ESR1: variants seen among roughly 807,000 people sequenced by gnomAD.
The protein encoded by ESR1 is estrogen receptor.
A neutral mutation model predicts 52.7 loss-of-function variants in ESR1; 12 were observed. That is an observed-to-expected ratio of 0.23 (90% CI 0.15 to 0.37). ESR1 has a LOEUF of 0.37. ESR1 is among the 10% of genes least tolerant of loss of function. The pLI is 1.00. For synonymous variants in ESR1, 305 were observed against 316.8 expected (o/e 0.96, Z 0.39); for missense variants, 584 against 779.7 (o/e 0.75, Z 2.99).
intron 2 of ESR1, among the ~76,000 whole-genome samples, chr6:151,865,074 A>C (rs1411843760): frequency 1.3e-5 from 2 of 152,152 alleles, no homozygotes; most frequent in Non-Finnish European, 2.9e-5. Context: ...GTACCCTAGA[A>C]CTTAAAGTAT....
rs1204105920 is a variant in ESR1 at position 151,944,402 on chromosome 6, G to A, written c.990G>A (p.Glu330=). 6.2e-7 allele frequency: 1 copy of A among 1,613,934 alleles called. No homozygotes were observed. The highest frequency in any genetic ancestry group is 1.3e-5 in the African/African-American group (1 of 74,916). The stretch of plus-strand genomic sequence containing the variant: ...CTGAGCCCCCGATACTCTATTCCGA[G>A]TATGATCCTACCAGACCCTTCAGTG... ...LDAEPPILYS[E]YDPTRPFSEA... Residue 330 remains glutamate (E), a synonymous_variant, in exon 4 of 8, where the codon GAG becomes GAA. Coordinates refer to ENST00000206249, the MANE Select transcript of ESR1 (RefSeq NM_000125.4).
At chr6:152,009,660 C>T (rs1273772544) in intron 4 of ESR1, among the ~76,000 whole-genome samples, 1 of 152,094 alleles carries the variant, frequency 6.6e-6, no homozygotes, top group Non-Finnish European at 1.5e-5. Context: ...ACTTTGAAAA[C>T]AGTTTGACAG....
chr6:151,808,418 G>T, intron 1 of ESR1, 54 bp downstream of exon 1: 1 of 1,166,738 alleles, frequency 8.6e-7, no homozygotes, highest in South Asian at 1.6e-5. Context: ...GCAGGAGGGA[G>T]GGAGGGAGGG....
At chr6:151,685,064 G>C (rs536071294) in intron 1 of ESR1, among the ~76,000 whole-genome samples, 1 of 145,348 alleles carries the variant, frequency 6.9e-6, no homozygotes, top group East Asian at 2.3e-4. Context: ...TAGCAACAGA[G>C]TCTCTGCTGT....
intron 3 of ESR1, among the ~76,000 whole-genome samples, chr6:151,891,024 C>G (rs190305619): frequency 6.6e-6 from 1 of 152,180 alleles, no homozygotes; most frequent in East Asian, 1.9e-4. Flanking sequence ...TGAATTCTTA[C>G]TTTTTGCCTT....
intron 2 of ESR1, among the ~76,000 whole-genome samples, chr6:151,797,362 G>A (rs1776809692): frequency 6.6e-6 from 1 of 152,122 alleles, no homozygotes; most frequent in South Asian, 2.1e-4. Context: ...TGCCAGAAGG[G>A]GTCAAAGATC....
At position 151,857,072 on chromosome 6, in the gene ESR1, A is replaced by G. The variant is rs6939777; in HGVS notation, c.643+14285A>G. ...TTTGTGTGTGCGTGTGTATTCATAT[A>G]TGGCTGCACACGTACATAAGTCCAT... On this transcript the variant is annotated intron_variant, in intron 2 of 7. Transcript: ENST00000206249. Among the ~76,000 whole-genome samples the G allele has an allele frequency of 4.4e-3, 671 of 152,304 alleles. 3 individuals carry two copies. The highest frequency in any genetic ancestry group is 0.014 in the African/African-American group (569 of 41,582).
At chr6:152,001,644 T>C (rs1156866238) in intron 4 of ESR1, among the ~76,000 whole-genome samples, 2 of 151,966 alleles carry the variant, frequency 1.3e-5, no homozygotes, top group Non-Finnish European at 2.9e-5. Context: ...GAATCCACCA[T>C]GGGTTAAAGA....
At chr6:152,095,986 A>C (rs1418341646) in intron 7 of ESR1, among the ~76,000 whole-genome samples, 1 of 152,218 alleles carries the variant, frequency 6.6e-6, no homozygotes, top group Non-Finnish European at 1.5e-5. Context: ...TCTCATTTCC[A>C]TTCCATTGTC....
chr6:152,076,900 G>A (rs928777573), intron 6 of ESR1, among the ~76,000 whole-genome samples: 1 of 152,162 alleles, frequency 6.6e-6, no homozygotes, highest in Non-Finnish European at 1.5e-5. Context: ...CAGCATAAAA[G>A]TTCAGAAAAT....
chr6:151,857,580 G>C (rs1024609203), intron 2 of ESR1, among the ~76,000 whole-genome samples: 1 of 151,814 alleles, frequency 6.6e-6, no homozygotes, highest in African/African-American at 2.4e-5. Context: ...CCAAGCTGGA[G>C]TGCAGTGGCG....
chr6:151,898,384 A>ATTTTTTTTTTTTTTTTTTTTTTTTT (rs371510396), intron 3 of ESR1, among the ~76,000 whole-genome samples: 8 of 101,218 alleles, frequency 7.9e-5, no homozygotes, highest in Non-Finnish European at 6.5e-5. Context: ...GGTTTTGTTC[A>ATTTTTTTTTTTTTTTTTTTTTTTTT]TTTTTTTTTT....
chr6:152,040,784 T>C (rs182536967), intron 5 of ESR1, among the ~76,000 whole-genome samples: 2 of 152,284 alleles, frequency 1.3e-5, no homozygotes, highest in East Asian at 3.9e-4. Flanking sequence ...TCTTCCTCTG[T>C]CAGCTTATCA....
intron 2 of ESR1, among the ~76,000 whole-genome samples, chr6:151,751,739 A>G (rs1014746920): frequency 6.6e-6 from 1 of 152,216 alleles, no homozygotes; most frequent in Non-Finnish European, 1.5e-5. Flanking sequence ...GATATGAGAC[A>G]TAGATATAAC....
chr6:151,719,480 G>A (rs3020339), intron 2 of ESR1, among the ~76,000 whole-genome samples: 35,802 of 151,970 alleles, frequency 0.24, 4,350 homozygotes, highest in Non-Finnish European at 0.25. Flanking sequence ...CCAGTGTTAC[G>A]CCTTAAGGTG....
At chr6:151,838,646 T>C (rs1465119232) in intron 1 of ESR1, among the ~76,000 whole-genome samples, 3 of 152,322 alleles carry the variant, frequency 2.0e-5, no homozygotes, top group South Asian at 4.1e-4. Flanking sequence ...TAGTTTATAT[T>C]CTTTGTTTTT....
downstream of ESR1, among the ~76,000 whole-genome samples, chr6:152,105,386 A>G (rs531229702): frequency 3.2e-4 from 49 of 152,010 alleles, no homozygotes; most frequent in Middle Eastern, 3.4e-3. Flanking sequence ...CCAAATTGTT[A>G]AATAAATATT....
rs17081628 is a variant in ESR1 at position 151,731,680 on chromosome 6, T to C, written c.-71+29675T>C. 6.3e-3 allele frequency among the ~76,000 whole-genome samples: 953 copies of C among 152,342 alleles called. 15 individuals are homozygous for C. The highest frequency in any genetic ancestry group is 0.022 in the African/African-American group (914 of 41,580). ...CTGATCATATTTTATTCTGGCCACA[T>C]GGAATAATAGACATGTAATCACTAT... On this transcript the variant is annotated intron_variant, in intron 2 of 2. Transcript: ENST00000404742.
intron 3 of ESR1, among the ~76,000 whole-genome samples, chr6:151,901,355 G>A (rs74847648): frequency 0.015 from 2,275 of 152,292 alleles, 55 homozygotes; most frequent in East Asian, 0.097. Context: ...CTTGCCGCAG[G>A]CTACCAGCCT....
Sources: gnomAD v4.1 joint callset for allele counts (sites outside exome capture counted in the v4.1 genomes callset) on GRCh38, gnomAD v4.1.1 for gene constraint, MANE v1.5 for transcripts, NCBI Gene and HGNC (gene_info 2026-07-23, HGNC 2026-07-21) for gene names.